Variants in ZNF423 observed in about 807,000 individuals in gnomAD.
ZNF423 encodes the protein Ebf-associated zinc finger protein.
In ZNF423, 12 loss-of-function variants were observed where a neutral mutation model predicts 95.8. That is an observed-to-expected ratio of 0.13 (90% CI 0.08 to 0.20). The LOEUF is 0.20. Among genes scored for constraint, ZNF423 ranks in the 10% least tolerant of loss-of-function variants. The pLI is 1.00. For missense variants in ZNF423, 1,316 were observed against 1,737.1 expected (o/e 0.76, Z 4.31); for synonymous variants, 749 against 711.9 (o/e 1.05, Z -0.83).
chr16:49,815,915 T>TATATATATATATATATATA (rs1491270483), intron 1 of ZNF423, among the ~76,000 whole-genome samples: 3 of 21,486 alleles, frequency 1.4e-4, no homozygotes, highest in South Asian at 2.8e-3. Flanking sequence ...TATATATATA[T>TATATATATATATATATATA]TTTTTTTTTT....
chr16:49,504,563 CA>C (rs1967556223), intron 7 of ZNF423, among the ~76,000 whole-genome samples: 1 of 152,170 alleles, frequency 6.6e-6, no homozygotes, highest in South Asian at 2.1e-4. Flanking sequence ...GCCTGGGTGA[CA>C]AAATGAGACT....
upstream of ZNF423, among the ~76,000 whole-genome samples, chr16:49,856,476 A>T (rs1183450449): frequency 6.6e-6 from 1 of 150,510 alleles, no homozygotes; most frequent in Non-Finnish European, 1.5e-5. Flanking sequence ...GCACAAAAAA[A>T]AATAATAAAT....
chr16:49,713,774 G>A (rs1048013417), intron 3 of ZNF423, among the ~76,000 whole-genome samples: 5 of 152,198 alleles, frequency 3.3e-5, no homozygotes, highest in Non-Finnish European at 5.9e-5. Flanking sequence ...AAAGGCATTC[G>A]AGGAAGCAGT....
At chr16:49,730,540 G>A (rs984289804) in intron 3 of ZNF423, 18 of 569,972 alleles carry the variant, frequency 3.2e-5, no homozygotes, top group South Asian at 1.9e-4. Flanking sequence ...GCGGGGAGAG[G>A]GGGCCGGGAC....
In ZNF423 at chr16:49,642,815, T is replaced by C. The variant is rs1973024165; in HGVS notation, c.302-3941A>G. ...GGTTCTCTTTTCTTTTTTTTTTTTT[T>C]TTTTTTTTTGGCAGGGGCAGGAGGG... On this transcript the variant is annotated intron_variant, in intron 3 of 7. Coordinates refer to ENST00000563137, the MANE Select transcript of ZNF423 (RefSeq NM_001379286.1). Among the ~76,000 whole-genome samples, 23 of 149,236 alleles carry C rather than the reference T, an allele frequency of 1.5e-4. No individual in the cohort carries two copies. The South Asian group carries it at 4.9e-3, about 32-fold the overall frequency.
chr16:49,854,054 A>G, intron 1 of ZNF423: 2 of 985,398 alleles, frequency 2.0e-6, no homozygotes, highest in South Asian at 9.4e-5. Flanking sequence ...CAAGCCGTAC[A>G]GCCCTTCCAT....
chr16:49,527,065 C>A (rs745474405), intron 5 of ZNF423, among the ~76,000 whole-genome samples: 2 of 152,132 alleles, frequency 1.3e-5, no homozygotes, highest in African/African-American at 2.4e-5. Context: ...AGGCTCCTGG[C>A]GAGTCCCTGG....
intron 5 of ZNF423, among the ~76,000 whole-genome samples, chr16:49,593,536 C>T (rs750619015): frequency 1.3e-5 from 2 of 152,140 alleles, no homozygotes; most frequent in African/African-American, 4.8e-5. Flanking sequence ...GTCTGGCGGA[C>T]AGGGTTTGCA....
intron 5 of ZNF423, among the ~76,000 whole-genome samples, chr16:49,566,996 G>A (rs1970214796): frequency 1.3e-5 from 2 of 152,132 alleles, no homozygotes; most frequent in South Asian, 2.1e-4. Context: ...GGGGTAAGAC[G>A]GGGTCCTCTC....
At chr16:49,759,782 G>A (rs2033793760) in intron 2 of ZNF423, among the ~76,000 whole-genome samples, 1 of 152,160 alleles carries the variant, frequency 6.6e-6, no homozygotes, top group Admixed American at 6.5e-5. Flanking sequence ...GTCCTTTTTT[G>A]TGTAATTCCA....
At chr16:49,577,363 A>G (rs1970531970) in intron 5 of ZNF423, among the ~76,000 whole-genome samples, 1 of 152,138 alleles carries the variant, frequency 6.6e-6, no homozygotes, top group Non-Finnish European at 1.5e-5. Flanking sequence ...TCACCGTTTT[A>G]CTGAGGAGAA....
intron 7 of ZNF423, among the ~76,000 whole-genome samples, chr16:49,508,111 T>C (rs1365696529): frequency 6.6e-6 from 1 of 152,166 alleles, no homozygotes; most frequent in Non-Finnish European, 1.5e-5. Context: ...GTCTTCATAT[T>C]AGAGGCATTG....
chr16:49,569,367 T>A (rs1169793150), intron 5 of ZNF423, among the ~76,000 whole-genome samples: 1 of 152,174 alleles, frequency 6.6e-6, no homozygotes, highest in Non-Finnish European at 1.5e-5. Flanking sequence ...ACTGCAGATA[T>A]GAAAGTCTGC....
chr16:49,751,540 G>A (rs1487050187), intron 2 of ZNF423, among the ~76,000 whole-genome samples: 2 of 152,164 alleles, frequency 1.3e-5, no homozygotes, highest in Admixed American at 6.5e-5. Context: ...ATCTTATTGG[G>A]AAACATTTCT....
In ZNF423 at chr16:49,698,900, GC is replaced by G. The variant is rs1245165902; in HGVS notation, c.301+31870del. Among the ~76,000 whole-genome samples, 127 of 152,182 alleles carry G rather than the reference GC, an allele frequency of 8.3e-4. 1 individual carries two copies. Among genetic ancestry groups the G allele is most frequent in the Non-Finnish European group, 2.5e-4 (17 of 68,028 alleles). On this transcript the variant is annotated intron_variant, in intron 3 of 7. Coordinates refer to ENST00000563137, the MANE Select transcript of ZNF423 (RefSeq NM_001379286.1). ...TGTTGATTCTACAGCAATTTAGCAGGCCTCTAAGAAACCCACCAGAGACCCG... is the reference window on the plus strand; with the variant it reads ...TGTTGATTCTACAGCAATTTAGCAGGCTCTAAGAAACCCACCAGAGACCCG...
intron 1 of ZNF423, among the ~76,000 whole-genome samples, chr16:49,819,980 A>G (rs1159012259): frequency 3.3e-5 from 5 of 152,044 alleles, no homozygotes; most frequent in African/African-American, 1.2e-4. Flanking sequence ...CTAAGCCCTG[A>G]TGTTTGTAGG....
At chr16:49,565,987 C>A (rs370275396) in intron 5 of ZNF423, among the ~76,000 whole-genome samples, 19 of 152,036 alleles carry the variant, frequency 1.2e-4, no homozygotes, top group African/African-American at 4.6e-4. Context: ...ACCATCTATC[C>A]ATCCATCAAT....
intron 5 of ZNF423, among the ~76,000 whole-genome samples, chr16:49,610,334 G>A: frequency 6.6e-6 from 1 of 152,140 alleles, no homozygotes; most frequent in East Asian, 1.9e-4. Context: ...AATGTAAAAT[G>A]TTAACACTGT....
At chr16:49,521,179 C>T (rs1968381489) in intron 7 of ZNF423, among the ~76,000 whole-genome samples, 1 of 152,220 alleles carries the variant, frequency 6.6e-6, no homozygotes, top group Non-Finnish European at 1.5e-5. Context: ...TCAAAAACGT[C>T]AGGATGGGAA....
Sources: allele counts gnomAD v4.1 joint callset (sites outside exome capture counted in the v4.1 genomes callset), GRCh38; gene constraint gnomAD v4.1.1; transcripts MANE v1.5; gene names NCBI Gene and HGNC (gene_info 2026-07-23, HGNC 2026-07-21).